The following IQCH variants were observed in gnomAD, a reference collection of about 807,000 sequenced individuals.
IQCH encodes IQ motif containing H.
A neutral mutation model predicts 117.0 loss-of-function variants in IQCH; 98 were observed. That is an observed-to-expected ratio of 0.84 (90% CI 0.71 to 0.99). The LOEUF (loss-of-function observed/expected upper bound fraction) is 0.99, where lower values mean the gene tolerates loss of function less well. Among genes scored for constraint, IQCH ranks in the 50% least tolerant of loss-of-function variants. IQCH has a pLI of 0.00. For missense variants in IQCH, 1,102 were observed against 1,243.8 expected (o/e 0.89, Z 1.72); for synonymous variants, 412 against 448.2 (o/e 0.92, Z 1.02).
At chr15:67,339,413 T>C (rs1969042653) in intron 5 of IQCH, among the ~76,000 whole-genome samples, 1 of 152,214 alleles carries the variant, frequency 6.6e-6, no homozygotes, top group African/African-American at 2.4e-5. Context: ...ATGGACACAT[T>C]TGTAGATCAA....
intron 3 of IQCH, among the ~76,000 whole-genome samples, chr15:67,272,519 G>A (rs992821525): frequency 2.0e-5 from 3 of 152,050 alleles, no homozygotes; most frequent in Non-Finnish European, 4.4e-5. Context: ...CTGAAAGTGG[G>A]GTGCTAAAGT....
chr15:67,469,696 C>T (rs2083021722), intron 17 of IQCH, among the ~76,000 whole-genome samples: 1 of 152,214 alleles, frequency 6.6e-6, no homozygotes, highest in Admixed American at 6.5e-5. Flanking sequence ...TACCAAAGGA[C>T]ACAGAGCCTT....
intron 3 of IQCH, among the ~76,000 whole-genome samples, chr15:67,263,976 T>C (rs543253607): frequency 8.7e-4 from 132 of 152,368 alleles, no homozygotes; most frequent in African/African-American, 3.1e-3. Flanking sequence ...TTGTGTTTTA[T>C]ATATGCACCC....
intron 16 of IQCH, among the ~76,000 whole-genome samples, chr15:67,452,289 C>T (rs1223793942): frequency 1.3e-5 from 2 of 152,220 alleles, no homozygotes; most frequent in African/African-American, 4.8e-5. Flanking sequence ...GGTTATTTTG[C>T]TCGTTAGTTG....
At chr15:67,309,273 T>C (rs1020358) in intron 4 of IQCH, among the ~76,000 whole-genome samples, 2,273 of 152,224 alleles carry the variant, frequency 0.015, 54 homozygotes, top group African/African-American at 0.048. Flanking sequence ...ATACTGTCAT[T>C]TAAAACATAT....
At position 67,447,498 on chromosome 15, in the gene IQCH, C is replaced by T. The variant is rs974507425; in HGVS notation, c.2506-17629C>T. On this transcript the variant is annotated intron_variant, in intron 16 of 20. Coordinates refer to ENST00000335894, the MANE Select transcript of IQCH (RefSeq NM_001031715.3). The surrounding 1 kb of genome is among the most constrained non-coding windows in gnomAD (Gnocchi z 5.3). ...TGATAAGCATGTAGTACCTGGGACT[C>T]AACCCTCTACCATCACCAAATTAGT... Among the ~76,000 whole-genome samples the T allele has an allele frequency of 6.6e-6, 1 of 152,166 alleles. No homozygotes were observed. Among genetic ancestry groups the T allele is most frequent in the Non-Finnish European group, 1.5e-5 (1 of 68,016 alleles).
At chr15:67,278,373 G>T (rs190747766) in intron 3 of IQCH, among the ~76,000 whole-genome samples, 1 of 152,134 alleles carries the variant, frequency 6.6e-6, no homozygotes, top group Non-Finnish European at 1.5e-5. Flanking sequence ...TCTCCTCCCT[G>T]CCCCCAAGAA....
intron 6 of IQCH, among the ~76,000 whole-genome samples, chr15:67,347,851 ATATT>A (rs995201417): frequency 5.4e-5 from 8 of 147,110 alleles, no homozygotes; most frequent in African/African-American, 2.0e-4. Context: ...ATATTTTTAT[ATATT>A]TATATATCTA....
At chr15:67,284,645 G>A (rs1966492322) in intron 4 of IQCH, among the ~76,000 whole-genome samples, 1 of 152,034 alleles carries the variant, frequency 6.6e-6, no homozygotes, top group Non-Finnish European at 1.5e-5. Flanking sequence ...CCCAGTGTGT[G>A]TTGTTCCTCT....
intron 16 of IQCH, among the ~76,000 whole-genome samples, chr15:67,429,286 G>A (rs1333301321): frequency 2.0e-5 from 3 of 152,286 alleles, no homozygotes; most frequent in East Asian, 1.9e-4. Context: ...AGCTGAGATG[G>A]GAGGATCACT....
At chr15:67,375,268 G>A (rs1970697875) in intron 10 of IQCH, among the ~76,000 whole-genome samples, 1 of 152,022 alleles carries the variant, frequency 6.6e-6, no homozygotes, top group Non-Finnish European at 1.5e-5. Flanking sequence ...GTTTTAGAAA[G>A]TTTCAAAAAT....
At chr15:67,440,087 C>G (rs1298993852) in intron 16 of IQCH, among the ~76,000 whole-genome samples, 1 of 151,996 alleles carries the variant, frequency 6.6e-6, no homozygotes, top group African/African-American at 2.4e-5. Flanking sequence ...GCTACTATGA[C>G]CACCTTTACA....
intron 4 of IQCH, among the ~76,000 whole-genome samples, chr15:67,301,339 A>G (rs1469101521): frequency 6.6e-6 from 1 of 151,888 alleles, no homozygotes; most frequent in African/African-American, 2.4e-5. Flanking sequence ...ATGGTTCGTA[A>G]GACAAATTTA....
At position 67,473,904 on chromosome 15, in the gene IQCH, G is replaced by A. The variant is rs945174886; in HGVS notation, c.2677-1792G>A. Among the ~76,000 whole-genome samples, 5 of 152,162 alleles carry A rather than the reference G, an allele frequency of 3.3e-5. No individual in the cohort carries two copies. The highest frequency in any genetic ancestry group is 9.7e-5 in the African/African-American group (4 of 41,434). ...GTATTAGCCTGTGGGGGCCTAACTC[G>A]TCTGTAGATGTGGACTCCACTTGCA... On this transcript the variant is annotated intron_variant, in intron 17 of 20. Coordinates refer to ENST00000335894, the MANE Select transcript of IQCH (RefSeq NM_001031715.3). The surrounding 1 kb of genome is among the most constrained non-coding windows in gnomAD (Gnocchi z 4.9).
chr15:67,362,829 G>A lies in IQCH; in HGVS notation c.753+2944G>A, dbSNP rs572684169. Among the ~76,000 whole-genome samples, 7 of 152,286 alleles carry A rather than the reference G, an allele frequency of 4.6e-5. No individual in the cohort carries two copies. The South Asian group carries it at 1.5e-3, about 32-fold the overall frequency. ...TATATGGTATTTGAACAAAGTGTTC[G>A]AGGCTTTAAAATGTATACTTTCAAA... On this transcript the variant is annotated intron_variant, in intron 8 of 20. Coordinates refer to ENST00000335894, the MANE Select transcript of IQCH (RefSeq NM_001031715.3).
intron 4 of IQCH, among the ~76,000 whole-genome samples, chr15:67,285,867 T>G (rs1966543211): frequency 1.3e-5 from 2 of 152,190 alleles, no homozygotes; most frequent in African/African-American, 4.8e-5. Flanking sequence ...AATCAGGTAA[T>G]GTGATTCTTC....
rs1258544120 is a variant in IQCH, at chr15:67,376,104, CA to C, written c.1372+2674del. 6.6e-6 allele frequency among the ~76,000 whole-genome samples: 1 copy of C among 152,058 alleles called. No individual in the cohort carries two copies. Among genetic ancestry groups the C allele is most frequent in the African/African-American group, 2.4e-5 (1 of 41,408 alleles). On this transcript the variant is annotated intron_variant, in intron 10 of 20. Coordinates refer to ENST00000335894, the MANE Select transcript of IQCH (RefSeq NM_001031715.3). The surrounding 1 kb of genome is among the most constrained non-coding windows in gnomAD (Gnocchi z 5.0). ...ATCCGGCCGTGCTTTGGATTTTATA[CA>C]AATGACTTGTGAACATTAAATTAAG...
chr15:67,334,725 A>G (rs1412524120), intron 4 of IQCH, among the ~76,000 whole-genome samples: 4 of 152,202 alleles, frequency 2.6e-5, no homozygotes, highest in Non-Finnish European at 5.9e-5. Context: ...CGATTCTAAT[A>G]TACAGCCAGG....
intron 16 of IQCH, among the ~76,000 whole-genome samples, chr15:67,449,572 C>T (rs1294062455): frequency 2.0e-5 from 3 of 152,060 alleles, no homozygotes; most frequent in Admixed American, 1.3e-4. Context: ...CTGTTCTGTT[C>T]CATTGGTCTA....
Sources: allele counts gnomAD v4.1 joint callset (sites outside exome capture counted in the v4.1 genomes callset), GRCh38; gene constraint gnomAD v4.1.1; non-coding constraint Gnocchi (gnomAD v3.1); transcripts MANE v1.5; gene names NCBI Gene and HGNC (gene_info 2026-07-23, HGNC 2026-07-21).